Variants in ANO1 observed in about 807,000 individuals in gnomAD.
ANO1 encodes anoctamin-1.
A neutral mutation model predicts 124.0 loss-of-function variants in ANO1; 59 were observed. The ratio of observed to expected loss-of-function variants is 0.48; its 90% CI spans 0.39 to 0.59. The LOEUF is 0.59. Ranked by LOEUF, ANO1 falls within the 20% of genes least tolerant of loss-of-function variation. The pLI, the probability that ANO1 is intolerant of heterozygous loss-of-function variation, is 0.00. For synonymous variants in ANO1, 529 were observed against 532.0 expected (o/e 0.99, Z 0.08); for missense variants, 1,059 against 1,328.0 (o/e 0.80, Z 3.15).
chr11:70,180,174 C>G, intron 23 of ANO1, 118 bp downstream of exon 23: 2 of 944,084 alleles, frequency 2.1e-6, no homozygotes, highest in South Asian at 1.4e-5. Flanking sequence ...GGTGCAGCCC[C>G]AGGCTGCCCG....
chr11:70,155,034 GC>G (rs1229647905), intron 14 of ANO1, among the ~76,000 whole-genome samples: 1 of 152,216 alleles, frequency 6.6e-6, no homozygotes, highest in Non-Finnish European at 1.5e-5. Context: ...CGGCATCCCG[GC>G]CCCCAAGCCT....
intron 4 of ANO1, 145 bp from the exon 5 acceptor site, chr11:70,105,589 C>T (rs917828207): frequency 4.1e-5 from 29 of 709,528 alleles, no homozygotes; most frequent in South Asian, 3.7e-4. Flanking sequence ...CAGGGGCGGA[C>T]GGGTCATACC....
intron 1 of ANO1, among the ~76,000 whole-genome samples, chr11:70,066,843 G>T (rs1857736417): frequency 1.3e-5 from 2 of 152,126 alleles, no homozygotes; most frequent in South Asian, 4.1e-4. Context: ...GGGACACTCT[G>T]CCCCGGCCTG....
At chr11:70,142,257 C>T (rs75457011) in intron 11 of ANO1, among the ~76,000 whole-genome samples, 4,034 of 152,200 alleles carry the variant, frequency 0.027, 179 homozygotes, top group African/African-American at 0.092. Context: ...AAAGATGGTC[C>T]CAACTTTAAT....
In ANO1 at chr11:70,088,060, C is replaced by T. The variant is rs1306339947; in HGVS notation, c.417C>T (p.Gly139=). 9 of 1,410,628 alleles carry T rather than the reference C, an allele frequency of 6.4e-6. No individual in the cohort carries two copies. The East Asian group carries it at 2.2e-4, about 34-fold the overall frequency. 87.4% of individuals were successfully genotyped at this position (1,410,628 alleles called of 1,614,324 possible). Residue 139 remains glycine (G), a synonymous_variant, in exon 2 of 26, where the codon GGC becomes GGT. Coordinates refer to ENST00000355303, the MANE Select transcript of ANO1 (RefSeq NM_018043.7). ...EEYEGNLLEA[G]LELERDEDTK... is the part of the protein sequence containing the mutation. ...ACGAGGGCAACCTCCTGGAGGCGGG[C>T]CTGGAGCTGGAGCGGGACGAGGACG...
In ANO1 at chr11:70,087,788, T is replaced by C; in HGVS notation, c.145T>C (p.Cys49Arg). The change falls in exon 2 of 26, where the codon TGC (cysteine) becomes CGC (arginine). Residue 49 changes from cysteine to arginine, a missense_variant. By Grantham distance (180) the Cys-to-Arg change is radical (BLOSUM62 -3). This residue lies in a region of ANO1 where 250 missense variants were observed against 233.1 expected (regional missense o/e 1.07). Coordinates refer to ENST00000355303, the MANE Select transcript of ANO1 (RefSeq NM_018043.7). ...CTTATCTGTGGACCCTGATGCCGAG[T>C]GCAAGTATGGCCTGTACTTCAGGGA... ...NSLSVDPDAE[C>R]KYGLYFRDGR... 6.2e-7 allele frequency: 1 copy of C among 1,610,812 alleles called. No individual in the cohort carries two copies. The highest frequency in any genetic ancestry group is 8.5e-7 in the Non-Finnish European group (1 of 1,178,580).
In ANO1 at chr11:70,136,498, C is replaced by A. The variant is rs138569315; in HGVS notation, c.1258+4419C>A. On this transcript the variant is annotated intron_variant, in intron 11 of 25. Transcript: ENST00000355303. ...ATTTAAATGAACATCGTCCTTTGGC[C>A]GATTTCATGTTTGGGGCTTCTGCCT... Among the ~76,000 whole-genome samples, 111 of 118,714 alleles carry A rather than the reference C, an allele frequency of 9.4e-4. 4 individuals carry two copies. The highest frequency in any genetic ancestry group is 2.7e-3 in the African/African-American group (105 of 39,378). The allele number at this position is 118,714 out of a possible 152,430, so 77.9% of individuals were successfully genotyped here.
At chr11:70,038,343 C>T (rs1229291176) in intron 1 of ANO1, among the ~76,000 whole-genome samples, 1 of 152,188 alleles carries the variant, frequency 6.6e-6, no homozygotes, top group Non-Finnish European at 1.5e-5. Flanking sequence ...TCGGGTCAAG[C>T]TTAGAATGTG....
intron 6 of ANO1, 62 bp downstream of exon 6, chr11:70,108,466 G>C: frequency 6.4e-7 from 1 of 1,563,538 alleles, no homozygotes; most frequent in Non-Finnish European, 8.8e-7. Flanking sequence ...TCACCTCCGA[G>C]TCATCTCTGT....
At chr11:70,095,372 AAG>A (rs2044867316) in intron 2 of ANO1, among the ~76,000 whole-genome samples, 9 of 34,042 alleles carry the variant, frequency 2.6e-4, no homozygotes, top group East Asian at 1.5e-3. Flanking sequence ...GAAAGAAAGA[AAG>A]AAAGAAAGAA....
chr11:70,031,637 G>T (rs956772211), intron 1 of ANO1, among the ~76,000 whole-genome samples: 2 of 152,146 alleles, frequency 1.3e-5, no homozygotes, highest in African/African-American at 4.8e-5. Context: ...GGGACCTCGT[G>T]CCCAAGCCAG....
At chr11:70,177,482 C>T (rs918670868) in intron 22 of ANO1, among the ~76,000 whole-genome samples, 7 of 152,172 alleles carry the variant, frequency 4.6e-5, no homozygotes, top group African/African-American at 1.7e-4. Flanking sequence ...CGGTGCACAG[C>T]CCAGCCTGCA....
At chr11:70,080,168 G>A (rs1408044592) in intron 1 of ANO1, among the ~76,000 whole-genome samples, 1 of 152,228 alleles carries the variant, frequency 6.6e-6, no homozygotes, top group Admixed American at 6.5e-5. Flanking sequence ...ATAGTGCTGG[G>A]CCAGTGCTGT....
chr11:69,977,960 G>A, the ANO1 span, among the ~76,000 whole-genome samples: 1 of 152,252 alleles, frequency 6.6e-6, no homozygotes, highest in African/African-American at 2.4e-5. Flanking sequence ...CTGTGGCTGA[G>A]AGGGGGTCAA....
At chr11:70,059,337 C>G (rs1327992990) in intron 1 of ANO1, among the ~76,000 whole-genome samples, 1 of 113,714 alleles carries the variant, frequency 8.8e-6, no homozygotes, top group Non-Finnish European at 1.7e-5. Context: ...GGCGACAGAG[C>G]GAGACACTGT....
chr11:69,988,816 C>G, intron 1 of ANO1, among the ~76,000 whole-genome samples: 1 of 152,172 alleles, frequency 6.6e-6, no homozygotes, highest in East Asian at 1.9e-4. Context: ...CTGCACAACC[C>G]TCAAAACTCA....
intron 1 of ANO1, among the ~76,000 whole-genome samples, chr11:70,009,013 C>G (rs1424547681): frequency 6.6e-6 from 1 of 152,196 alleles, no homozygotes; most frequent in Non-Finnish European, 1.5e-5. Context: ...CAGACTAAGG[C>G]CTGTTCCACA....
intron 24 of ANO1, 37 bp from the exon 25 acceptor site, chr11:70,185,553 G>A (rs747281838): frequency 2.3e-5 from 36 of 1,590,070 alleles, no homozygotes; most frequent in African/African-American, 1.5e-4. Context: ...GAGCCCCACC[G>A]AAGTCCCACC....
chr11:70,152,520 C>G, intron 13 of ANO1, 59 bp downstream of exon 13: 2 of 1,569,164 alleles, frequency 1.3e-6, no homozygotes, highest in East Asian at 4.5e-5. Flanking sequence ...GGGAGAGGGA[C>G]CTTCTCTTGC....
Sources: gnomAD v4.1 joint callset for allele counts (sites outside exome capture counted in the v4.1 genomes callset) on GRCh38, gnomAD v4.1.1 for gene constraint, gnomAD v4.1.1 regional missense constraint, MANE v1.5 for transcripts, NCBI Gene and HGNC (gene_info 2026-07-23, HGNC 2026-07-21) for gene names.